The following TRPM2 variants were observed in gnomAD, a reference collection of about 807,000 sequenced individuals.
The protein encoded by TRPM2 is estrogen-responsive element-associated gene 1 protein.
Under a neutral mutation model 174.0 loss-of-function variants are expected in TRPM2, and 161 were observed. The observed-to-expected ratio is 0.93, with a 90% CI of 0.81 to 1.05. The LOEUF (loss-of-function observed/expected upper bound fraction) is 1.05, where lower values mean the gene tolerates loss of function less well. Ranked by LOEUF, TRPM2 falls within the 50% of genes least tolerant of loss-of-function variation. TRPM2 has a pLI of 0.00. For synonymous variants in TRPM2, 954 were observed against 861.3 expected (o/e 1.11, Z -1.88); for missense variants, 2,057 against 2,038.0 (o/e 1.01, Z -0.18).
chr21:44,407,365 G>T (rs1296677019), intron 19 of TRPM2, among the ~76,000 whole-genome samples: 2 of 148,382 alleles, frequency 1.3e-5, no homozygotes, highest in African/African-American at 5.0e-5. Flanking sequence ...GAGCTCAAGT[G>T]ATCCACCCCC....
At chr21:44,412,544 A>C (rs2050140278) in intron 19 of TRPM2, among the ~76,000 whole-genome samples, 1 of 151,994 alleles carries the variant, frequency 6.6e-6, no homozygotes, top group Admixed American at 6.6e-5. Context: ...CTTTTTCAAG[A>C]ACTGAGTTTG....
intron 9 of TRPM2, 136 bp downstream of exon 9, chr21:44,382,956 G>T: frequency 4.5e-6 from 4 of 898,836 alleles, no homozygotes; most frequent in Non-Finnish European, 6.8e-6. Flanking sequence ...TGGCCAGAGG[G>T]CAGCTGGCGA....
upstream of TRPM2, chr21:44,350,231 G>GCGCGGGGA (rs1433234365): frequency 2.0e-5 from 3 of 152,130 alleles, no homozygotes; most frequent in African/African-American, 7.3e-5. Context: ...CGGCGGTGCT[G>GCGCGGGGA]CGCGGGGACG....
chr21:44,413,895 G>T lies in TRPM2; in HGVS notation c.2967G>T (p.Val989=). 6.2e-7 allele frequency: 1 copy of T among 1,609,850 alleles called. No homozygotes were observed. The highest frequency in any genetic ancestry group is 8.5e-7 in the Non-Finnish European group (1 of 1,176,582). ...FGQIPGYIDG[V]NFNPEHCSPN... ...CACCCCCATTCCCAACGCCAGGTGT[G>T]AACTTCAACCCGGAGCACTGCAGCC... Residue 989 remains valine (V), a synonymous_variant, in exon 20 of 32, where the codon GTG becomes GTT. Coordinates refer to ENST00000397928, the MANE Select transcript of TRPM2 (RefSeq NM_003307.4).
chr21:44,372,701 CTCAT>C (rs1425822512), intron 5 of TRPM2, among the ~76,000 whole-genome samples: 1 of 152,172 alleles, frequency 6.6e-6, no homozygotes, highest in Non-Finnish European at 1.5e-5. Flanking sequence ...TGCAGACACT[CTCAT>C]TCCCAATGGG....
chr21:44,382,883 A>AAG, intron 9 of TRPM2, 63 bp downstream of exon 9: 2 of 1,447,412 alleles, frequency 1.4e-6, no homozygotes, highest in Non-Finnish European at 9.5e-7. Context: ...TGAGGACGCC[A>AAG]AGTTCTAGTC....
intron 27 of TRPM2, among the ~76,000 whole-genome samples, chr21:44,431,842 C>T (rs1015054929): frequency 3.3e-5 from 5 of 152,114 alleles, no homozygotes; most frequent in Admixed American, 6.5e-5. Context: ...TTTGTTGGAG[C>T]GGGATTGGCA....
chr21:44,407,426 G>A (rs1457916461), intron 19 of TRPM2, among the ~76,000 whole-genome samples: 6 of 141,594 alleles, frequency 4.2e-5, no homozygotes, highest in Non-Finnish European at 6.1e-5. Flanking sequence ...ATGCCTGCCA[G>A]AGAGAACACT....
intron 28 of TRPM2, 69 bp downstream of exon 28, chr21:44,435,286 GCCATTGC>G (rs1246145269): frequency 6.4e-7 from 1 of 1,553,552 alleles, no homozygotes; most frequent in Non-Finnish European, 8.8e-7. Context: ...AGGGGCGGCT[GCCATTGC>G]CCAGTGCTCA....
chr21:44,407,032 T>A (rs1225322387), intron 19 of TRPM2, among the ~76,000 whole-genome samples: 1 of 149,648 alleles, frequency 6.7e-6, no homozygotes. Context: ...ACCTGGGGCA[T>A]CAGCTGACAG....
rs1278507092 is a variant in TRPM2 at position 44,376,091 on chromosome 21, G to C, written c.952+78G>C. On this transcript the variant is annotated intron_variant, in intron 6 of 31. Transcript: ENST00000397928. This position sits in a 1 kb window ranked among gnomAD's most constrained non-coding sequence, Gnocchi z 4.2. ...CAGAGTGTCAGGTACAGCTGGTCAC[G>C]ACCAGGACGTTCAACAGGCCTGGCG... is the stretch of plus-strand genomic sequence containing the variant. 3 of 1,521,574 alleles carry C rather than the reference G, an allele frequency of 2.0e-6. No individual in the cohort carries two copies. Among genetic ancestry groups the C allele is most frequent in the Admixed American group, 2.0e-5 (1 of 51,280 alleles). The allele number at this position is 1,521,574 out of a possible 1,614,324, so 94.3% of individuals were successfully genotyped here.
chr21:44,409,136 G>A (rs1785448), intron 19 of TRPM2, among the ~76,000 whole-genome samples: 108,538 of 152,014 alleles, frequency 0.71, 39,159 homozygotes, highest in East Asian at 0.77. Context: ...TGATGCACGA[G>A]CTTTTGAAAT....
intron 31 of TRPM2, 58 bp from the exon 32 acceptor site, chr21:44,441,634 C>G: frequency 1.4e-5 from 22 of 1,561,714 alleles, no homozygotes; most frequent in Non-Finnish European, 1.8e-5. Flanking sequence ...GTCCGTAGGG[C>G]TCAGCTGGGC....
intron 3 of TRPM2, among the ~76,000 whole-genome samples, chr21:44,365,604 G>A (rs980481446): frequency 2.6e-5 from 4 of 152,184 alleles, no homozygotes; most frequent in Admixed American, 6.5e-5. Flanking sequence ...ATGCCACCGT[G>A]GCCGTGGCAG....
At chr21:44,441,231 G>A (rs2051492848) in intron 31 of TRPM2, among the ~76,000 whole-genome samples, 1 of 75,964 alleles carries the variant, frequency 1.3e-5, no homozygotes, top group African/African-American at 6.5e-5. Context: ...AGAGCTCACA[G>A]GGCTGGCCAG....
intron 3 of TRPM2, among the ~76,000 whole-genome samples, chr21:44,365,511 C>T (rs1017291471): frequency 6.6e-6 from 1 of 152,176 alleles, no homozygotes; most frequent in Non-Finnish European, 1.5e-5. Context: ...ACCCCTCTGT[C>T]GCTGTGGTCA....
chr21:44,419,566 G>A (rs1303313236), intron 22 of TRPM2, among the ~76,000 whole-genome samples: 2 of 148,216 alleles, frequency 1.3e-5, no homozygotes, highest in Admixed American at 6.7e-5. Context: ...TGGTGATGGT[G>A]GTGGTGGTGA....
At chr21:44,355,128 C>T (rs934436036) in intron 2 of TRPM2, among the ~76,000 whole-genome samples, 1 of 152,216 alleles carries the variant, frequency 6.6e-6, no homozygotes, top group African/African-American at 2.4e-5. Context: ...AGGGAGAGTC[C>T]ATGGCCAGAA....
Position 44,413,894 on chromosome 21 carries a change from T to A in TRPM2, c.2966T>A (p.Val989Glu). Residue 989 changes from valine to glutamate, a missense_variant, in exon 20 of 32, where the codon GTG (valine) becomes GAG (glutamate). Physicochemically the swap from Val to Glu is moderately radical, Grantham distance 121. Transcript: ENST00000397928. ...FGQIPGYIDG[V>E]NFNPEHCSPN... ...CCACCCCCATTCCCAACGCCAGGTGTGAACTTCAACCCGGAGCACTGCAGC... is the reference window on the plus strand; with the variant it reads ...CCACCCCCATTCCCAACGCCAGGTGAGAACTTCAACCCGGAGCACTGCAGC... 1.2e-6 allele frequency: 2 copies of A among 1,609,234 alleles called. No homozygotes were observed. Among genetic ancestry groups the A allele is most frequent in the Non-Finnish European group, 8.5e-7 (1 of 1,176,088 alleles).
Sources: gnomAD v4.1 joint callset for allele counts (sites outside exome capture counted in the v4.1 genomes callset) on GRCh38, gnomAD v4.1.1 for gene constraint, Gnocchi (gnomAD v3.1) non-coding constraint, MANE v1.5 for transcripts, NCBI Gene and HGNC (gene_info 2026-07-23, HGNC 2026-07-21) for gene names.